The following NUP214 variants were observed in gnomAD, a reference collection of about 807,000 sequenced individuals.
NUP214 encodes nucleoporin 214, also known as nuclear pore complex protein Nup214.
Under a neutral mutation model 196.2 loss-of-function variants are expected in NUP214, and 79 were observed. The ratio of observed to expected loss-of-function variants is 0.40; its 90% confidence interval spans 0.34 to 0.49. The LOEUF (loss-of-function observed/expected upper bound fraction) is 0.49. Among genes scored for constraint, NUP214 ranks in the 20% least tolerant of loss-of-function variants. NUP214 has a pLI of 0.58. For synonymous variants in NUP214, 1,020 were observed against 990.5 expected (o/e 1.03, Z -0.56); for missense variants, 2,468 against 2,539.0 (o/e 0.97, Z 0.60).
intron 8 of NUP214, among the ~76,000 whole-genome samples, chr9:131,135,451 T>C (rs1402026024): frequency 2.0e-5 from 3 of 152,242 alleles, no homozygotes; most frequent in African/African-American, 7.2e-5. Flanking sequence ...AATGTCTTTC[T>C]ATTATTTCTG....
intron 1 of NUP214, among the ~76,000 whole-genome samples, chr9:131,127,272 A>T (rs1183836135): frequency 1.3e-5 from 2 of 152,274 alleles, no homozygotes; most frequent in East Asian, 3.9e-4. Context: ...AATCCCAGCT[A>T]CTTGGGAGTC....
At chr9:131,193,468 G>T (rs1266078085) in intron 27 of NUP214, among the ~76,000 whole-genome samples, 2 of 151,714 alleles carry the variant, frequency 1.3e-5, no homozygotes, top group Non-Finnish European at 2.9e-5. Context: ...GAGGGGGAAA[G>T]TAATACATAT....
At chr9:131,190,361 T>C (rs1833564700) in intron 26 of NUP214, 1 of 639,870 alleles carries the variant, frequency 1.6e-6, no homozygotes. Context: ...GGAACTTTGC[T>C]TTATGCATGT....
chr9:131,192,379 T>A, intron 27 of NUP214, 87 bp downstream of exon 27: 1 of 796,278 alleles, frequency 1.3e-6, no homozygotes, highest in Non-Finnish European at 2.0e-6. Flanking sequence ...ATTTACTTAT[T>A]AAATGTGTAT....
intron 35 of NUP214, 29 bp from the exon 36 acceptor site, chr9:131,233,425 C>T (rs780101909): frequency 5.0e-6 from 8 of 1,590,274 alleles, no homozygotes; most frequent in Non-Finnish European, 6.9e-6. Context: ...GAGCAGCTGA[C>T]TCCACCACTG....
chr9:131,192,448 G>A (rs1352852416), intron 27 of NUP214, 156 bp downstream of exon 27: 1 of 464,268 alleles, frequency 2.2e-6, no homozygotes, highest in Non-Finnish European at 3.8e-6. Context: ...ATAGTTTAAT[G>A]TTCTCATGTA....
intron 29 of NUP214, among the ~76,000 whole-genome samples, chr9:131,200,075 C>T (rs181104964): frequency 5.3e-5 from 8 of 152,288 alleles, no homozygotes; most frequent in East Asian, 1.9e-4. Context: ...TAACACAGTC[C>T]GTATCACTAC....
Position 131,150,527 on chromosome 9 carries a change from C to T in NUP214, c.2128-89C>T, listed in dbSNP as rs1832226251. On this transcript the variant is annotated intron_variant, in intron 15 of 35. Transcript: ENST00000359428. ...TCTAGCGCTGAAGCATGGCCCATCC[C>T]AGCAGTCTGAGCAGTTAGTAAGCAC... 3.2e-6 allele frequency: 5 copies of T among 1,573,822 alleles called. No individual in the cohort carries two copies. In the Admixed American group the frequency reaches 5.1e-5, roughly 16 times the overall value.
chr9:131,215,152 G>A, intron 30 of NUP214, 60 bp from the exon 31 acceptor site: 4 of 1,405,464 alleles, frequency 2.8e-6, no homozygotes, highest in Non-Finnish European at 3.7e-6. Context: ...CACGGATGCA[G>A]CCTGCCATTT....
intron 14 of NUP214, chr9:131,149,806 A>G (rs1280032313): frequency 1.3e-5 from 2 of 154,020 alleles, no homozygotes; most frequent in Admixed American, 1.3e-4. Context: ...GCCCTCTACA[A>G]CGCCTCCCCT....
intron 4 of NUP214, among the ~76,000 whole-genome samples, chr9:131,130,206 C>T (rs967697077): frequency 7.8e-6 from 1 of 128,318 alleles, no homozygotes; most frequent in African/African-American, 3.0e-5. Context: ...TGCAGTGGCG[C>T]GATCTCAGCT....
At chr9:131,139,522 C>A in intron 10 of NUP214, 115 bp downstream of exon 10, 1 of 1,443,220 alleles carries the variant, frequency 6.9e-7, no homozygotes, top group Non-Finnish European at 9.3e-7. Context: ...CTTGTAGCTT[C>A]TGGCAGCACA....
At chr9:131,128,858 A>G (rs1473753801) in intron 3 of NUP214, 3 of 290,936 alleles carry the variant, frequency 1.0e-5, no homozygotes, top group South Asian at 7.9e-5. Flanking sequence ...TAAGTGCTTT[A>G]TATGCCTTGT....
At chr9:131,231,600 C>T (rs1159465072) in intron 34 of NUP214, among the ~76,000 whole-genome samples, 6 of 150,566 alleles carry the variant, frequency 4.0e-5, no homozygotes, top group African/African-American at 9.8e-5. Flanking sequence ...TCTTACTAGG[C>T]CTTGGTTTAA....
intron 2 of NUP214, among the ~76,000 whole-genome samples, chr9:131,128,041 T>C (rs778219684): frequency 2.5e-4 from 38 of 152,220 alleles, no homozygotes; most frequent in Non-Finnish European, 4.8e-4. Flanking sequence ...CACAACAGTA[T>C]GATCCAAACT....
At position 131,233,492 on chromosome 9, in the gene NUP214, G is replaced by T. The variant is rs768384486; in HGVS notation, c.*5G>T. The T allele has an allele frequency of 1.9e-6, 3 of 1,613,798 alleles. No individual in the cohort carries two copies. Among genetic ancestry groups the T allele is most frequent in the South Asian group, 2.2e-5 (2 of 91,074 alleles). ...TTTGGTGGCTGGCGAAGCTGAGGGC[G>T]TGTCAGCAGGCCTTTCGATCCCTGG... is the stretch of plus-strand genomic sequence containing the variant. On this transcript the variant is annotated 3_prime_UTR_variant, in exon 36 of 36. Coordinates refer to ENST00000359428, the MANE Select transcript of NUP214 (RefSeq NM_005085.4).
rs1455205133 is a variant in NUP214, at chr9:131,146,260, C to G, written c.1901C>G (p.Pro634Arg). 3 of 1,614,178 alleles carry G rather than the reference C, an allele frequency of 1.9e-6. No individual in the cohort carries two copies. In the South Asian group the frequency reaches 3.3e-5, roughly 18 times the overall value. The stretch of plus-strand genomic sequence containing the variant: ...CACCCCACACCTCTCTCAGCACCAC[C>G]TAGTTCCGTGCCATTGAAGTCCTCA... The part of the protein sequence containing the change: ...LSHPTPLSAP[P>R]SSVPLKSSVL... Residue 634 changes from proline to arginine, a missense_variant, in exon 13 of 36, where the codon CCT (proline) becomes CGT (arginine). Physicochemically the swap from Pro to Arg is moderately radical, Grantham distance 103. This residue lies in a region of NUP214 where 1,801 missense variants were observed against 1,779.4 expected (regional missense o/e 1.01). Transcript: ENST00000359428. The surrounding 1 kb of genome is among the most constrained non-coding windows in gnomAD (Gnocchi z 4.6).
intron 21 of NUP214, among the ~76,000 whole-genome samples, chr9:131,173,355 C>CTTTTTTTTTTTTTTTTT (rs10706351): frequency 2.6e-5 from 1 of 38,164 alleles, no homozygotes; most frequent in Non-Finnish European, 4.7e-5. Flanking sequence ...TGCACCCAGC[C>CTTTTTTTTTTTTTTTTT]TTTTTTTTTT....
Position 131,232,435 on chromosome 9 carries a change from G to A in NUP214, c.6239+127G>A. On this transcript the variant is annotated intron_variant, in intron 35 of 35. Coordinates refer to ENST00000359428, the MANE Select transcript of NUP214 (RefSeq NM_005085.4). The surrounding 1 kb of genome is among the most constrained non-coding windows in gnomAD (Gnocchi z 5.1). ...CCTGTTTTTAGAGTTTGTCCTGGAA[G>A]TGTGGGGGTTCAGCAGCAGGGTTTG... 3 of 970,320 alleles carry A rather than the reference G, an allele frequency of 3.1e-6. No homozygotes were observed. Among genetic ancestry groups the A allele is most frequent in the Non-Finnish European group, 4.9e-6 (3 of 607,744 alleles). The allele number at this position is 970,320 out of a possible 1,614,324, so 60.1% of individuals were successfully genotyped here.
Sources: gnomAD v4.1 joint callset for allele counts (sites outside exome capture counted in the v4.1 genomes callset) on GRCh38, gnomAD v4.1.1 for gene constraint, gnomAD v4.1.1 regional missense constraint, Gnocchi (gnomAD v3.1) non-coding constraint, MANE v1.5 for transcripts, NCBI Gene and HGNC (gene_info 2026-07-23, HGNC 2026-07-21) for gene names.